Variants in RCOR1 observed in about 807,000 individuals in gnomAD.
RCOR1 encodes REST corepressor 1.
Under a neutral mutation model 64.0 loss-of-function variants are expected in RCOR1, and 12 were observed. The ratio of observed to expected loss-of-function variants is 0.19; its 90% CI spans 0.12 to 0.30. RCOR1 has a LOEUF of 0.30. Among genes scored for constraint, RCOR1 ranks in the 10% least tolerant of loss-of-function variants. RCOR1 has a pLI of 1.00. For missense variants in RCOR1, 502 were observed against 621.2 expected (o/e 0.81, Z 2.04); for synonymous variants, 279 against 227.2 (o/e 1.23, Z -2.05).
chr14:102,720,600 T>C (rs563569828), intron 8 of RCOR1, among the ~76,000 whole-genome samples: 3 of 152,332 alleles, frequency 2.0e-5, no homozygotes, highest in African/African-American at 7.2e-5. Flanking sequence ...GCAGTTCTGT[T>C]GTAAAGACTG....
At chr14:102,603,426 G>C (rs1374407970) in intron 2 of RCOR1, among the ~76,000 whole-genome samples, 2 of 152,060 alleles carry the variant, frequency 1.3e-5, no homozygotes, top group East Asian at 1.9e-4. Flanking sequence ...TCAGGCTCAA[G>C]TAATCTTCCC....
chr14:102,631,117 C>T (rs1894102619), intron 2 of RCOR1, among the ~76,000 whole-genome samples: 1 of 152,146 alleles, frequency 6.6e-6, no homozygotes, highest in African/African-American at 2.4e-5. Context: ...TCCCCGATGA[C>T]TTTGTGTCTC....
At chr14:102,716,784 C>T (rs1246233639) in intron 8 of RCOR1, among the ~76,000 whole-genome samples, 1 of 152,098 alleles carries the variant, frequency 6.6e-6, no homozygotes, top group Non-Finnish European at 1.5e-5. Flanking sequence ...TATAAGTTCT[C>T]CAAGATTGTC....
At chr14:102,696,808 CTTTTTT>C (rs71305075) in intron 3 of RCOR1, among the ~76,000 whole-genome samples, 2 of 57,404 alleles carry the variant, frequency 3.5e-5, no homozygotes, top group African/African-American at 7.4e-5. Context: ...ATCTGCTTAT[CTTTTTT>C]TTTTTTTTTT....
chr14:102,623,673 G>A (rs1457845957), intron 2 of RCOR1, among the ~76,000 whole-genome samples: 2 of 151,634 alleles, frequency 1.3e-5, no homozygotes, highest in Non-Finnish European at 2.9e-5. Context: ...CTCCCAAAGT[G>A]CTGAGATTAC....
At chr14:102,706,114 C>CAAAAAAAAAAAAAAAAAAAAAA (rs71119732) in intron 4 of RCOR1, among the ~76,000 whole-genome samples, 5 of 21,334 alleles carry the variant, frequency 2.3e-4, no homozygotes, top group African/African-American at 7.4e-4. Context: ...AACCCTGTCT[C>CAAAAAAAAAAAAAAAAAAAAAA]AAAAAAAAAA....
At chr14:102,679,013 A>G (rs1286163996) in intron 2 of RCOR1, among the ~76,000 whole-genome samples, 1 of 152,204 alleles carries the variant, frequency 6.6e-6, no homozygotes, top group Non-Finnish European at 1.5e-5. Flanking sequence ...TTCTTTATGT[A>G]TTCTGGATAG....
At chr14:102,654,307 G>A (rs1894677263) in intron 2 of RCOR1, among the ~76,000 whole-genome samples, 1 of 152,130 alleles carries the variant, frequency 6.6e-6, no homozygotes, top group African/African-American at 2.4e-5. Flanking sequence ...TTATAGCAGT[G>A]TGAGAACAGA....
chr14:102,717,026 G>A (rs930676499), intron 8 of RCOR1, among the ~76,000 whole-genome samples: 3 of 152,092 alleles, frequency 2.0e-5, no homozygotes, highest in Non-Finnish European at 2.9e-5. Flanking sequence ...AGAACTTAAC[G>A]CATCTTTTGT....
chr14:102,713,294 T>C (rs1337834915), intron 7 of RCOR1, among the ~76,000 whole-genome samples: 3 of 148,534 alleles, frequency 2.0e-5, no homozygotes, highest in Non-Finnish European at 4.5e-5. Context: ...AGCCTCACTG[T>C]GTCGCCCAGG....
In RCOR1 at chr14:102,717,927, A is replaced by G. The variant is rs538180021; in HGVS notation, c.1054-3080A>G. ...AGCGCCACAGTGCAGCAGTGTGTTC[A>G]TTGCCAAATGTGCTTCTAGACTCAA... On this transcript the variant is annotated intron_variant, in intron 8 of 11. Coordinates refer to ENST00000262241, the MANE Select transcript of RCOR1 (RefSeq NM_015156.4). Among the ~76,000 whole-genome samples the G allele has an allele frequency of 6.5e-4, 99 of 152,162 alleles. 1 individual carries two copies. The highest frequency in any genetic ancestry group is 6.8e-3 in the Middle Eastern group (2 of 292).
chr14:102,719,445 T>A (rs995567247), intron 8 of RCOR1, among the ~76,000 whole-genome samples: 1 of 152,080 alleles, frequency 6.6e-6, no homozygotes, highest in African/African-American at 2.4e-5. Flanking sequence ...TTCCCCATCC[T>A]GTGTCCAAGT....
chr14:102,623,314 T>C (rs1893912087), intron 2 of RCOR1, among the ~76,000 whole-genome samples: 1 of 151,984 alleles, frequency 6.6e-6, no homozygotes, highest in Admixed American at 6.6e-5. Context: ...TTGGTAATTG[T>C]GTGCTATTTG....
rs558893411 is a variant in RCOR1, at chr14:102,656,128, G to A, written c.362-25767G>A. On this transcript the variant is annotated intron_variant, in intron 2 of 11. Coordinates refer to ENST00000262241, the MANE Select transcript of RCOR1 (RefSeq NM_015156.4). Reference sequence around the variant, plus strand: ...TCATTCTTTGAAATCACTTTGCTGAGATTTTTTTATTTTTTTTATTTTTTT... The same window carrying A: ...TCATTCTTTGAAATCACTTTGCTGAAATTTTTTTATTTTTTTTATTTTTTT... 6.1e-6 allele frequency: 6 copies of A among 982,088 alleles called. No individual in the cohort carries two copies. In the South Asian group the frequency reaches 2.8e-4, roughly 46 times the overall value. 60.8% of individuals were successfully genotyped at this position (982,088 alleles called of 1,614,324 possible).
At chr14:102,607,890 C>T (rs1194081017) in intron 2 of RCOR1, among the ~76,000 whole-genome samples, 1 of 151,598 alleles carries the variant, frequency 6.6e-6, no homozygotes, top group Non-Finnish European at 1.5e-5. Flanking sequence ...TCAAGAAAAA[C>T]CACAAAGTAC....
intron 2 of RCOR1, among the ~76,000 whole-genome samples, chr14:102,644,871 A>C (rs1894448257): frequency 6.6e-6 from 1 of 152,192 alleles, no homozygotes; most frequent in Non-Finnish European, 1.5e-5. Flanking sequence ...TGATTGTTTC[A>C]GGCTCTGGTT....
rs115928037 is a variant in RCOR1 at position 102,695,872 on chromosome 14, C to T, written c.446-5406C>T. On this transcript the variant is annotated intron_variant, in intron 3 of 11. Transcript: ENST00000262241. The stretch of plus-strand genomic sequence containing the variant: ...TGCATAGAGGTCTTAAACCTTATAC[C>T]TTATCTGATATTTACCAGCTGTGTG... Among the ~76,000 whole-genome samples the T allele has an allele frequency of 6.1e-3, 923 of 152,034 alleles. 14 individuals carry two copies. Among genetic ancestry groups the T allele is most frequent in the African/African-American group, 0.021 (879 of 41,454 alleles).
intron 2 of RCOR1, among the ~76,000 whole-genome samples, chr14:102,623,380 TTTATTTA>T (rs202207871): frequency 0.042 from 5,863 of 139,074 alleles, 258 homozygotes; most frequent in African/African-American, 0.13. Flanking sequence ...ACTTCCTTTA[TTTATTTA>T]TTATTTATTT....
chr14:102,657,438 A>G, intron 2 of RCOR1: 2 of 985,136 alleles, frequency 2.0e-6, no homozygotes, highest in Non-Finnish European at 2.4e-6. Context: ...TTAAGTTAAG[A>G]CTAATATAAC....
Sources: allele counts gnomAD v4.1 joint callset (sites outside exome capture counted in the v4.1 genomes callset), GRCh38; gene constraint gnomAD v4.1.1; transcripts MANE v1.5; gene names NCBI Gene and HGNC (gene_info 2026-07-23, HGNC 2026-07-21).